The following STS variants were observed in gnomAD, a reference collection of about 807,000 sequenced individuals.
STS encodes steryl-sulfatase.
A neutral mutation model predicts 26.8 loss-of-function variants in STS; 7 were observed. The ratio of observed to expected loss-of-function variants is 0.26; its 90% CI spans 0.15 to 0.49. The LOEUF is 0.49. STS is among the 20% of genes least tolerant of loss of function. The pLI is 0.98. For synonymous variants in STS, 199 were observed against 189.4 expected (o/e 1.05, Z -0.42); for missense variants, 434 against 465.6 (o/e 0.93, Z 0.63).
At chrX:7,254,497 T>C (rs1601688762) in intron 3 of STS, among the ~76,000 whole-genome samples, 1 of 109,776 alleles carries the variant, frequency 9.1e-6, no homozygotes, top group Admixed American at 9.8e-5. Context: ...GAAAGATCAA[T>C]ACAAACTGAA....
At chrX:7,275,886 T>G in intron 6 of STS, 65 bp from the exon 7 acceptor site, 1 of 1,117,323 alleles carries the variant, frequency 8.9e-7, no homozygotes, top group Non-Finnish European at 1.2e-6. Context: ...ATCAGAATGG[T>G]GGCAGACATA....
chrX:7,234,524 A>G (rs933233624), intron 2 of STS, among the ~76,000 whole-genome samples: 1 of 112,172 alleles, frequency 8.9e-6, no homozygotes, highest in African/African-American at 3.2e-5. Context: ...GACAGAGACT[A>G]TATGGGAGAG....
At chrX:7,254,874 C>T (rs1361275628) in intron 3 of STS, among the ~76,000 whole-genome samples, 2 of 111,340 alleles carry the variant, frequency 1.8e-5, no homozygotes, top group East Asian at 2.8e-4. Flanking sequence ...TGAGCCACTG[C>T]GCCGGCCCAG....
At position 7,219,380 on chromosome X, in the gene STS, C is replaced by G. The variant is rs753501596; in HGVS notation, c.-5+28372C>G. ...GCCCCTTCTGAAGAATCCGGTTTACCAGGATCACCTGAAACTCCCAAAAGA... is the reference window on the plus strand; with the variant it reads ...GCCCCTTCTGAAGAATCCGGTTTACGAGGATCACCTGAAACTCCCAAAAGA... On this transcript the variant is annotated intron_variant, in intron 2 of 10. Coordinates refer to ENST00000674429, the MANE Select transcript of STS (RefSeq NM_001320752.2). 14 of 1,009,456 alleles carry G rather than the reference C, an allele frequency of 1.4e-5. No individual in the cohort carries two copies. The East Asian group carries it at 3.9e-4, about 28-fold the overall frequency. 83.2% of individuals were successfully genotyped at this position (1,009,456 alleles called of 1,213,427 possible). A position where few individuals can be genotyped will look rare whatever the true frequency, so the allele number is the denominator to read the frequency against.
At chrX:7,149,273 G>A (rs1002379509) in intron 1 of STS, among the ~76,000 whole-genome samples, 18 of 111,258 alleles carry the variant, frequency 1.6e-4, no homozygotes, top group Non-Finnish European at 3.2e-4. Context: ...GTAAACATGA[G>A]AGTGTATTTC....
chrX:7,291,309 G>A (rs1328002663), intron 7 of STS, among the ~76,000 whole-genome samples: 4 of 111,528 alleles, frequency 3.6e-5, no homozygotes, highest in Non-Finnish European at 5.6e-5. Flanking sequence ...CAGCGCCCGT[G>A]GTTTGGGGGC....
chrX:7,233,095 T>TC (rs1385245234), intron 2 of STS, among the ~76,000 whole-genome samples: 1 of 94,547 alleles, frequency 1.1e-5, no homozygotes, highest in Middle Eastern at 5.0e-3. Context: ...TTTTTTCTTT[T>TC]TTTTTTTTTT....
At position 7,323,515 on chromosome X, in the gene STS, G is replaced by T. The variant is rs747146268; in HGVS notation, c.1082-1824G>T. On this transcript the variant is annotated intron_variant, in intron 8 of 10. Coordinates refer to ENST00000674429, the MANE Select transcript of STS (RefSeq NM_001320752.2). ...CCTGCATTAATTCACTTAGGATAAT[G>T]GCCTCTAGCTATACCATGTTGCTAC... 7.2e-5 allele frequency among the ~76,000 whole-genome samples: 8 copies of T among 111,373 alleles called. No individual in the cohort carries two copies. In the South Asian group the frequency reaches 3.0e-3, roughly 42 times the overall value.
intron 1 of STS, among the ~76,000 whole-genome samples, chrX:7,157,086 G>A (rs1162653142): frequency 8.9e-6 from 1 of 111,787 alleles, no homozygotes; most frequent in South Asian, 3.8e-4. Context: ...TGATGCAATA[G>A]GGAGACTATA....
intron 7 of STS, 130 bp from the exon 8 acceptor site, chrX:7,304,915 TG>T: frequency 1.3e-6 from 1 of 772,886 alleles, no homozygotes; most frequent in Non-Finnish European, 1.9e-6. Flanking sequence ...CGTCTCATGC[TG>T]GGATAAACTC....
At chrX:7,265,177 C>T (rs903332601) in intron 6 of STS, among the ~76,000 whole-genome samples, 1 of 110,785 alleles carries the variant, frequency 9.0e-6, no homozygotes, top group Non-Finnish European at 1.9e-5. Flanking sequence ...CAAGATGGAG[C>T]GGCGCTCTTG....
At chrX:7,184,018 A>T (rs1933729735) in intron 1 of STS, among the ~76,000 whole-genome samples, 1 of 111,631 alleles carries the variant, frequency 9.0e-6, no homozygotes, top group Admixed American at 9.5e-5. Flanking sequence ...AAAATAAAAA[A>T]AAAAATGGCA....
At chrX:7,264,217 C>T (rs1224046335) in intron 6 of STS, among the ~76,000 whole-genome samples, 2 of 112,025 alleles carry the variant, frequency 1.8e-5, no homozygotes, top group African/African-American at 3.2e-5. Context: ...CTGTCTTACC[C>T]AGGTGCCAGA....
At chrX:7,164,703 TA>T (rs869308860) in intron 1 of STS, among the ~76,000 whole-genome samples, 17 of 104,151 alleles carry the variant, frequency 1.6e-4, no homozygotes, top group Admixed American at 4.2e-4. Flanking sequence ...TAAATTCCAT[TA>T]AAAAAAAAAG....
chrX:7,293,492 A>G (rs761914758), intron 7 of STS, among the ~76,000 whole-genome samples: 2 of 111,812 alleles, frequency 1.8e-5, no homozygotes, highest in Admixed American at 1.9e-4. Context: ...TATTCCCCAT[A>G]TGTGCTGTAG....
intron 8 of STS, among the ~76,000 whole-genome samples, chrX:7,316,013 A>G (rs140973166): frequency 0.042 from 4,670 of 111,793 alleles, 222 homozygotes; most frequent in African/African-American, 0.14. Flanking sequence ...AAGAGGGAGC[A>G]GCAGAACTTT....
At chrX:7,213,094 C>A (rs1395965232) in intron 2 of STS, among the ~76,000 whole-genome samples, 1 of 111,512 alleles carries the variant, frequency 9.0e-6, no homozygotes, top group Non-Finnish European at 1.9e-5. Flanking sequence ...GTGTGAGCCA[C>A]CACCGCCAGC....
chrX:7,341,952 C>A (rs1010100517), intron 10 of STS, among the ~76,000 whole-genome samples: 1 of 110,349 alleles, frequency 9.1e-6, no homozygotes, highest in Non-Finnish European at 1.9e-5. Flanking sequence ...GCTGGGATTA[C>A]GGGCGCCCAC....
At chrX:7,187,534 C>T (rs1483933130) in intron 1 of STS, among the ~76,000 whole-genome samples, 6 of 112,118 alleles carry the variant, frequency 5.4e-5, no homozygotes, top group African/African-American at 1.9e-4. Flanking sequence ...AATAACTACA[C>T]GGCCTGGGCT....
Sources: allele counts gnomAD v4.1 joint callset (sites outside exome capture counted in the v4.1 genomes callset), GRCh38; gene constraint gnomAD v4.1.1; transcripts MANE v1.5; gene names NCBI Gene and HGNC (gene_info 2026-07-23, HGNC 2026-07-21).